The following FRMD4B variants were observed in gnomAD, a reference collection of about 807,000 sequenced individuals.
FRMD4B encodes the protein FERM domain containing 4B, also known as FERM domain-containing protein 4B.
A neutral mutation model predicts 141.5 loss-of-function variants in FRMD4B; 74 were observed. That is an observed-to-expected ratio of 0.52 (90% confidence interval 0.43 to 0.63). The LOEUF (loss-of-function observed/expected upper bound fraction) is 0.63, where lower values mean the gene tolerates loss of function less well. Among genes scored for constraint, FRMD4B ranks in the 30% least tolerant of loss-of-function variants. The probability of loss-of-function intolerance (pLI) is 0.00; values close to 1 mark genes in which losing one functional copy is unlikely to be tolerated. For synonymous variants in FRMD4B, 506 were observed against 467.9 expected, an observed-to-expected ratio of 1.08 and a Z score of -1.05; for missense variants, 1,366 against 1,253.4, an observed-to-expected ratio of 1.09 and a Z score of -1.36.
intron 2 of FRMD4B, among the ~76,000 whole-genome samples, chr3:69,422,073 G>A (rs1704991067): frequency 6.6e-6 from 1 of 152,160 alleles, no homozygotes; most frequent in African/African-American, 2.4e-5. Flanking sequence ...ACATTCATAG[G>A]GATTTGAAAT....
rs369630585 is a variant in FRMD4B at position 69,349,460 on chromosome 3, T to C, written c.163-35943A>G. On this transcript the variant is annotated intron_variant, in intron 1 of 22. Transcript: ENST00000398540. The stretch of plus-strand genomic sequence containing the variant: ...GCTACCAATGACTTTCTTCACAGAA[T>C]TGGAAAAAAATACTTTAAAGTTCAT... 3.0e-4 allele frequency among the ~76,000 whole-genome samples: 45 copies of C among 152,210 alleles called. 1 individual carries two copies. The East Asian group carries it at 6.6e-3, about 22-fold the overall frequency.
chr3:69,195,550 T>C (rs185346821), intron 14 of FRMD4B, among the ~76,000 whole-genome samples, 186 bp from the exon 15 acceptor site: 125 of 152,308 alleles, frequency 8.2e-4, no homozygotes, highest in Admixed American at 3.1e-3. Flanking sequence ...AAACAGAACC[T>C]GGTAATAAAA....
At chr3:69,483,602 A>T (rs1330783940) in intron 1 of FRMD4B, among the ~76,000 whole-genome samples, 2 of 152,206 alleles carry the variant, frequency 1.3e-5, no homozygotes, top group Admixed American at 6.5e-5. Context: ...ATGGTCACCA[A>T]AGGGACATTT....
chr3:69,264,464 T>C (rs2093548178), intron 5 of FRMD4B, among the ~76,000 whole-genome samples: 1 of 152,196 alleles, frequency 6.6e-6, no homozygotes, highest in African/African-American at 2.4e-5. Context: ...TGTTTCGTGA[T>C]TCACTATAGA....
chr3:69,513,090 G>A (rs1706714963), intron 1 of FRMD4B, among the ~76,000 whole-genome samples: 1 of 151,582 alleles, frequency 6.6e-6, no homozygotes, highest in Non-Finnish European at 1.5e-5. Context: ...AAAATAGAGA[G>A]TAGAAAATTT....
rs768015246 is a variant in FRMD4B at position 69,187,887 on chromosome 3, C to T, written c.1802G>A (p.Arg601Gln). The change falls in exon 19 of 23, where the codon CGA (arginine) becomes CAA (glutamine). Residue 601 changes from arginine (R) to glutamine (Q), a missense_variant. Arg to Gln is a conservative substitution (Grantham distance 43). Coordinates refer to ENST00000398540, the MANE Select transcript of FRMD4B (RefSeq NM_015123.3). ...PSDAFTFPGQRSSSVPHSPRI... is the reference protein window; with the variant it reads ...PSDAFTFPGQQSSSVPHSPRI... Reference sequence around the variant, plus strand: ...TGGAGAATGAGGTACTGAACTTGATCGCTGCCCAGGAAAAGTGAAGGCATC... The same window carrying T: ...TGGAGAATGAGGTACTGAACTTGATTGCTGCCCAGGAAAAGTGAAGGCATC... The T allele has an allele frequency of 1.7e-5, 27 of 1,598,786 alleles. No homozygotes were observed. The highest frequency in any genetic ancestry group is 1.7e-4 in the Middle Eastern group (1 of 6,050).
In FRMD4B at chr3:69,311,291, A is replaced by G; in HGVS notation, c.295T>C (p.Tyr99His). The change falls in exon 3 of 23, where the codon TAT becomes CAT. Residue 99 changes from tyrosine (Y) to histidine (H), a missense_variant. Physicochemically the swap from Tyr to His is moderately conservative, Grantham distance 83 (BLOSUM62 2). Transcript: ENST00000398540. The stretch of plus-strand genomic sequence containing the variant: ...TCATCTATGAATGTTATTCCAAAAT[A>G]CTCCTTTTCTTTCAGGTTGAAATGT... ...ASHFNLKEKE[Y>H]FGITFIDDTG... The G allele has an allele frequency of 6.4e-7, 1 of 1,574,084 alleles. No homozygotes were observed. Among genetic ancestry groups the G allele is most frequent in the Non-Finnish European group, 8.7e-7 (1 of 1,144,412 alleles).
At chr3:69,194,952 A>G (rs2092884126) in intron 16 of FRMD4B, 70 bp downstream of exon 16, 2 of 1,436,798 alleles carry the variant, frequency 1.4e-6, no homozygotes, top group Non-Finnish European at 9.6e-7. Context: ...ACCAAAGGAA[A>G]ATGTCCACTA....
intron 1 of FRMD4B, among the ~76,000 whole-genome samples, chr3:69,357,427 A>G (rs566407219): frequency 6.6e-6 from 1 of 152,344 alleles, no homozygotes; most frequent in South Asian, 2.1e-4. Flanking sequence ...AATAGGTCCA[A>G]ATGAAATATG....
At chr3:69,453,658 G>T (rs894206113) in intron 1 of FRMD4B, among the ~76,000 whole-genome samples, 2 of 152,216 alleles carry the variant, frequency 1.3e-5, no homozygotes, top group African/African-American at 4.8e-5. Context: ...TCCCAGTGGG[G>T]GAGAGATGGG....
intron 1 of FRMD4B, chr3:69,472,493 C>A: frequency 2.9e-6 from 1 of 339,820 alleles, no homozygotes; most frequent in East Asian, 8.4e-5. Context: ...ACTGTTCTTT[C>A]AAAGCTTTGG....
At chr3:69,502,643 C>T (rs1241075142) in intron 1 of FRMD4B, among the ~76,000 whole-genome samples, 1 of 152,092 alleles carries the variant, frequency 6.6e-6, no homozygotes, top group African/African-American at 2.4e-5. Flanking sequence ...ATGTCTAAAA[C>T]ACCAAAAGCA....
At chr3:69,444,232 T>C (rs928549282) in intron 1 of FRMD4B, among the ~76,000 whole-genome samples, 3 of 152,194 alleles carry the variant, frequency 2.0e-5, no homozygotes, top group African/African-American at 7.2e-5. Context: ...CAGCCTTGCA[T>C]TAATTAAACT....
intron 1 of FRMD4B, among the ~76,000 whole-genome samples, chr3:69,517,035 G>T (rs1165153647): frequency 6.6e-6 from 1 of 152,140 alleles, no homozygotes; most frequent in Non-Finnish European, 1.5e-5. Context: ...GGGGGCCTTT[G>T]ATAGCTTTGG....
chr3:69,455,946 A>G (rs1433476817), intron 1 of FRMD4B, among the ~76,000 whole-genome samples: 1 of 152,106 alleles, frequency 6.6e-6, no homozygotes, highest in African/African-American at 2.4e-5. Context: ...TTTTGTTCTG[A>G]GGCTTAAATC....
chr3:69,456,987 T>C lies in FRMD4B; in HGVS notation c.-128-24226A>G, dbSNP rs139447703. ...AGAGAAAAAGTTTGCAGACTCCTGCTTTAAATGGTAGGAGTTCGTTTTGTG... is the reference window on the plus strand; with the variant it reads ...AGAGAAAAAGTTTGCAGACTCCTGCCTTAAATGGTAGGAGTTCGTTTTGTG... On this transcript the variant is annotated intron_variant, in intron 1 of 5. Transcript: ENST00000459638. Among the ~76,000 whole-genome samples the C allele has an allele frequency of 3.2e-3, 492 of 152,342 alleles. 4 individuals are homozygous for C. The highest frequency in any genetic ancestry group is 0.011 in the African/African-American group (457 of 41,574).
intron 1 of FRMD4B, among the ~76,000 whole-genome samples, chr3:69,433,809 A>G (rs1225762516): frequency 6.6e-6 from 1 of 152,194 alleles, no homozygotes; most frequent in African/African-American, 2.4e-5. Context: ...TTTGGGTAGT[A>G]CTAAGATCAG....
At chr3:69,301,428 G>A (rs932574612) in intron 4 of FRMD4B, among the ~76,000 whole-genome samples, 3 of 152,036 alleles carry the variant, frequency 2.0e-5, no homozygotes, top group African/African-American at 4.8e-5. Context: ...GGGTTCAAGC[G>A]ATCCTTATGC....
intron 1 of FRMD4B, among the ~76,000 whole-genome samples, chr3:69,322,681 C>T (rs1383465157): frequency 2.7e-5 from 4 of 150,766 alleles, no homozygotes; most frequent in Non-Finnish European, 4.4e-5. Context: ...ACTGCAGCCT[C>T]GACCTGCTGG....
Sources: allele counts gnomAD v4.1 joint callset (sites outside exome capture counted in the v4.1 genomes callset), GRCh38; gene constraint gnomAD v4.1.1; transcripts MANE v1.5; gene names NCBI Gene and HGNC (gene_info 2026-07-23, HGNC 2026-07-21).